The following BZW2 variants were observed in gnomAD, a reference collection of about 807,000 sequenced individuals.
BZW2 encodes the protein eIF5-mimic protein 1.
BZW2 carries 23 observed loss-of-function variants against 53.2 expected under a neutral mutation model. The ratio of observed to expected loss-of-function variants is 0.43; its 90% CI spans 0.31 to 0.61. The LOEUF (loss-of-function observed/expected upper bound fraction) is 0.61, where lower values mean the gene tolerates loss of function less well. Among genes scored for constraint, BZW2 ranks in the 20% least tolerant of loss-of-function variants. The pLI, the probability that BZW2 is intolerant of heterozygous loss-of-function variation, is 0.09. For synonymous variants in BZW2, 227 were observed against 186.4 expected (o/e 1.22, Z -1.77); for missense variants, 409 against 503.1 (o/e 0.81, Z 1.79).
intron 10 of BZW2, among the ~76,000 whole-genome samples, chr7:16,701,289 AG>A (rs1783658810): frequency 6.6e-6 from 1 of 152,192 alleles, no homozygotes; most frequent in African/African-American, 2.4e-5. Context: ...CCTGAAGATA[AG>A]TCCCATAGAC....
rs769289928 is a variant in BZW2 at position 16,706,106 on chromosome 7, A to G, written c.*18A>G. The G allele has an allele frequency of 7.4e-6, 12 of 1,612,512 alleles. No homozygotes were observed. The highest frequency in any genetic ancestry group is 4.0e-5 in the African/African-American group (3 of 74,864). On this transcript the variant is annotated 3_prime_UTR_variant, in exon 12 of 12. Coordinates refer to ENST00000258761, the MANE Select transcript of BZW2 (RefSeq NM_014038.3). ...AAAATTAAATGGCTCAACAAGCACAATACCTAGGTTACCACACACCACTTT... is the reference window on the plus strand; with the variant it reads ...AAAATTAAATGGCTCAACAAGCACAGTACCTAGGTTACCACACACCACTTT...
At chr7:16,697,129 G>GTTTGTTTT in intron 9 of BZW2, 68 bp downstream of exon 9, 1 of 1,544,654 alleles carries the variant, frequency 6.5e-7, no homozygotes, top group Non-Finnish European at 8.7e-7. Flanking sequence ...TTGTTTGTTT[G>GTTTGTTTT]TTTGTTTGAG....
chr7:16,691,814 G>C (rs1783316706), intron 7 of BZW2, among the ~76,000 whole-genome samples: 1 of 152,054 alleles, frequency 6.6e-6, no homozygotes, highest in South Asian at 2.1e-4. Flanking sequence ...TAATTAGATG[G>C]CTTCATTTAT....
rs1392951943 is a variant in BZW2 at position 16,694,886 on chromosome 7, C to G, written c.704C>G (p.Thr235Ser). The change falls in exon 8 of 12, where the codon ACT (threonine) becomes AGT (serine). Residue 235 changes from threonine (T) to serine (S), a missense_variant. By Grantham distance (58) the Thr-to-Ser change is moderately conservative. Transcript: ENST00000258761. The stretch of plus-strand genomic sequence containing the variant: ...GTGGATCATTTTGCTAAATACTTCA[C>G]TGACGCAGGTCTTAAGGAGCTTTCC... ...QSVDHFAKYF[T>S]DAGLKELSDF... 2.5e-6 allele frequency: 4 copies of G among 1,575,114 alleles called. No homozygotes were observed. The highest frequency in any genetic ancestry group is 3.5e-6 in the Non-Finnish European group (4 of 1,150,428).
chr7:16,664,766 G>A (rs1782369162), intron 1 of BZW2, among the ~76,000 whole-genome samples: 2 of 152,148 alleles, frequency 1.3e-5, no homozygotes, highest in Non-Finnish European at 2.9e-5. Context: ...ACATATACAA[G>A]TATATTTGCA....
chr7:16,679,024 C>G (rs951505438), intron 3 of BZW2, among the ~76,000 whole-genome samples: 7 of 151,988 alleles, frequency 4.6e-5, no homozygotes, highest in African/African-American at 1.7e-4. Flanking sequence ...GTCCATGTCC[C>G]GCTGGGCACA....
At chr7:16,655,640 G>T (rs1049498245) in intron 1 of BZW2, among the ~76,000 whole-genome samples, 1 of 151,996 alleles carries the variant, frequency 6.6e-6, no homozygotes, top group Admixed American at 6.6e-5. Flanking sequence ...CTGTAACTCT[G>T]TACCTGTTCA....
chr7:16,686,646 A>G (rs997355097), intron 6 of BZW2: 2 of 152,410 alleles, frequency 1.3e-5, no homozygotes, highest in Admixed American at 6.5e-5. Context: ...TCAAATTACA[A>G]TGCAACACAA....
intron 11 of BZW2, 146 bp from the exon 12 acceptor site, chr7:16,705,914 C>A: frequency 1.2e-6 from 1 of 867,276 alleles, no homozygotes; most frequent in Non-Finnish European, 1.8e-6. Context: ...TATCTGCCCT[C>A]ATGTGACTAT....
chr7:16,671,740 A>G (rs530698953), intron 2 of BZW2, among the ~76,000 whole-genome samples: 60 of 152,164 alleles, frequency 3.9e-4, no homozygotes, highest in African/African-American at 1.4e-3. Flanking sequence ...AGACCAGCCT[A>G]TGCAACATGG....
At chr7:16,675,646 T>C (rs1782740422) in intron 3 of BZW2, among the ~76,000 whole-genome samples, 1 of 152,236 alleles carries the variant, frequency 6.6e-6, no homozygotes, top group Non-Finnish European at 1.5e-5. Context: ...GAATTAGTTT[T>C]GTTGTTCTTA....
intron 2 of BZW2, among the ~76,000 whole-genome samples, chr7:16,671,947 A>AAAAAAAAAAAAAAAAC (rs1782615145): frequency 6.6e-6 from 1 of 151,020 alleles, no homozygotes; most frequent in African/African-American, 2.4e-5. Context: ...AAAAAAAAAA[A>AAAAAAAAAAAAAAAAC]TCGGAACACT....
In BZW2 at chr7:16,706,387, A is replaced by G. The variant is rs531956632; in HGVS notation, c.*299A>G. The G allele has an allele frequency of 2.1e-4, 64 of 302,348 alleles. No individual in the cohort carries two copies. Among genetic ancestry groups the G allele is most frequent in the Non-Finnish European group, 3.6e-4 (59 of 164,720 alleles). The allele number at this position is 302,348 out of a possible 1,614,324, so 18.7% of individuals were successfully genotyped here. On this transcript the variant is annotated 3_prime_UTR_variant, in exon 12 of 12. Transcript: ENST00000258761. ...ATACTCAACAGACTCCTCCTTTTTT[A>G]GCTGTATTTTTCAGGTACTGTGTGG...
intron 1 of BZW2, among the ~76,000 whole-genome samples, chr7:16,657,801 G>A (rs1379150905): frequency 6.6e-6 from 1 of 152,072 alleles, no homozygotes; most frequent in Non-Finnish European, 1.5e-5. Context: ...CAGCCCTTGA[G>A]AGCAGGGACC....
intron 10 of BZW2, among the ~76,000 whole-genome samples, chr7:16,700,269 A>G (rs1017245444): frequency 2.0e-5 from 3 of 152,136 alleles, no homozygotes; most frequent in Admixed American, 6.6e-5. Context: ...AGAACATGCA[A>G]TCCCTGAGGA....
chr7:16,701,353 C>G (rs1783661804), intron 10 of BZW2, among the ~76,000 whole-genome samples: 1 of 152,100 alleles, frequency 6.6e-6, no homozygotes, highest in Non-Finnish European at 1.5e-5. Context: ...GTTATTATCT[C>G]TATCATGGGT....
At chr7:16,675,064 T>G (rs772864845) in intron 3 of BZW2, among the ~76,000 whole-genome samples, 2 of 152,124 alleles carry the variant, frequency 1.3e-5, no homozygotes, top group Non-Finnish European at 2.9e-5. Context: ...GATAGAAGAT[T>G]AGAAATTGTT....
At chr7:16,698,626 T>G (rs560273822) in intron 10 of BZW2, among the ~76,000 whole-genome samples, 3 of 152,350 alleles carry the variant, frequency 2.0e-5, no homozygotes, top group East Asian at 1.9e-4. Context: ...TTTTAGTTAC[T>G]TGGCCCAGCC....
In BZW2 at chr7:16,674,500, C is replaced by G. The variant is rs995791739; in HGVS notation, c.147C>G (p.Ala49=). The G allele has an allele frequency of 6.2e-7, 1 of 1,613,502 alleles. No homozygotes were observed. Among genetic ancestry groups the G allele is most frequent in the East Asian group, 2.2e-5 (1 of 44,860 alleles). Residue 49 remains alanine, a synonymous_variant, in exon 3 of 12, where the codon GCC becomes GCG. Transcript: ENST00000258761. ...NEAGDDLEAV[A]KFLDSTGSRL... ...CTGGTGATGACCTTGAAGCTGTAGC[C>G]AAATTTCTGGACTCTACAGGCTCAA...
Sources: allele counts gnomAD v4.1 joint callset (sites outside exome capture counted in the v4.1 genomes callset), GRCh38; gene constraint gnomAD v4.1.1; transcripts MANE v1.5; gene names NCBI Gene and HGNC (gene_info 2026-07-23, HGNC 2026-07-21).